PBRM1: variants seen among roughly 807,000 people sequenced by gnomAD.
PBRM1 encodes the protein polybromo 1.
PBRM1 carries 27 observed loss-of-function variants against 194.5 expected under a neutral mutation model. That is an observed-to-expected ratio of 0.14 (90% CI 0.10 to 0.19). The LOEUF (loss-of-function observed/expected upper bound fraction) is 0.19, where lower values mean the gene tolerates loss of function less well. Among genes scored for constraint, PBRM1 ranks in the 10% least tolerant of loss-of-function variants. The probability of loss-of-function intolerance (pLI) is 1.00; values close to 1 mark genes in which losing one functional copy is unlikely to be tolerated. For missense variants in PBRM1, 1,466 were observed against 2,077.2 expected, an observed-to-expected ratio of 0.71 and a Z score of 5.72; for synonymous variants, 655 against 693.2, an observed-to-expected ratio of 0.94 and a Z score of 0.87.
At chr3:52,562,831 A>T (rs1276299986) in intron 24 of PBRM1, among the ~76,000 whole-genome samples, 1 of 152,164 alleles carries the variant, frequency 6.6e-6, no homozygotes, top group Non-Finnish European at 1.5e-5. Flanking sequence ...ATAAGCAACC[A>T]TGCCTGGCCA....
At chr3:52,622,858 T>G (rs575216871) in intron 13 of PBRM1, among the ~76,000 whole-genome samples, 133 of 152,340 alleles carry the variant, frequency 8.7e-4, no homozygotes, top group Admixed American at 1.7e-3. Context: ...TATTTTTATA[T>G]ATACTAATAT....
At chr3:52,646,722 C>T (rs1416751329) in intron 7 of PBRM1, among the ~76,000 whole-genome samples, 1 of 152,150 alleles carries the variant, frequency 6.6e-6, no homozygotes, top group Non-Finnish European at 1.5e-5. Flanking sequence ...ATTTGGACTC[C>T]TACCTTACAT....
intron 5 of PBRM1, among the ~76,000 whole-genome samples, chr3:52,653,683 G>T (rs571037650): frequency 6.6e-6 from 1 of 151,988 alleles, no homozygotes; most frequent in Non-Finnish European, 1.5e-5. Context: ...AGGCCGAGAC[G>T]GGCAGATCAC....
intron 13 of PBRM1, 84 bp downstream of exon 14, chr3:52,627,189 C>T: frequency 2.8e-6 from 2 of 726,292 alleles, no homozygotes; most frequent in Non-Finnish European, 4.7e-6. Context: ...AACTTGATAG[C>T]TTAAAAAATA....
intron 13 of PBRM1, among the ~76,000 whole-genome samples, chr3:52,626,838 G>A (rs2095463955): frequency 6.6e-6 from 1 of 152,128 alleles, no homozygotes; most frequent in Non-Finnish European, 1.5e-5. Flanking sequence ...TAAAGATGAG[G>A]TGAACAAGGA....
intron 17 of PBRM1, among the ~76,000 whole-genome samples, chr3:52,598,686 C>A (rs886202071): frequency 2.6e-5 from 4 of 152,090 alleles, no homozygotes; most frequent in Admixed American, 2.6e-4. Context: ...GAGTTTGAAA[C>A]CAGCCTGGGC....
At chr3:52,624,220 A>G (rs936537344) in intron 13 of PBRM1, among the ~76,000 whole-genome samples, 9 of 152,170 alleles carry the variant, frequency 5.9e-5, no homozygotes, top group Admixed American at 5.2e-4. Flanking sequence ...TCCTTGGCCT[A>G]TATGTTCCTG....
chr3:52,579,264 C>A, intron 20 of PBRM1, 65 bp from the exon 23 acceptor site: 1 of 1,414,636 alleles, frequency 7.1e-7, no homozygotes, highest in Non-Finnish European at 9.9e-7. Flanking sequence ...AGGTAAGAAA[C>A]GAAAGCAGAC....
At chr3:52,581,462 A>T (rs2091155334) in intron 20 of PBRM1, among the ~76,000 whole-genome samples, 1 of 150,162 alleles carries the variant, frequency 6.7e-6, no homozygotes, top group Non-Finnish European at 1.5e-5. Context: ...GTGAGCCGAG[A>T]TTGTGCCGCT....
upstream of PBRM1, chr3:52,685,862 C>A: frequency 1.9e-6 from 1 of 517,668 alleles, no homozygotes; most frequent in Non-Finnish European, 3.4e-6. Flanking sequence ...GCCGTCGCTT[C>A]GGCACCCGCC....
At chr3:52,577,542 C>T (rs2089999688) in intron 21 of PBRM1, among the ~76,000 whole-genome samples, 1 of 151,638 alleles carries the variant, frequency 6.6e-6, no homozygotes, top group African/African-American at 2.4e-5. Flanking sequence ...ATTATTGCTC[C>T]ATATTATCGT....
chr3:52,587,253 A>T, intron 19 of PBRM1, 100 bp downstream of exon 21: 1 of 923,510 alleles, frequency 1.1e-6, no homozygotes, highest in Non-Finnish European at 1.7e-6. Flanking sequence ...AAATAGCTTA[A>T]AACAGAGTTC....
intron 13 of PBRM1, among the ~76,000 whole-genome samples, chr3:52,621,727 C>T (rs1230386313): frequency 6.6e-6 from 1 of 152,156 alleles, no homozygotes; most frequent in Non-Finnish European, 1.5e-5. Flanking sequence ...AAAATCAGGA[C>T]TGTTCATCAT....
chr3:52,617,564 G>T (rs1431562100), intron 13 of PBRM1, 26 bp from the exon 16 acceptor site: 1 of 1,549,648 alleles, frequency 6.5e-7, no homozygotes, highest in Non-Finnish European at 8.7e-7. Flanking sequence ...TAGAAAAGGG[G>T]AAAAATTAGA....
At chr3:52,591,226 TC>T (rs1167308107) in intron 17 of PBRM1, among the ~76,000 whole-genome samples, 1 of 152,162 alleles carries the variant, frequency 6.6e-6, no homozygotes, top group African/African-American at 2.4e-5. Context: ...ACTTCCCTCT[TC>T]CTATTTGAAT....
intron 25 of PBRM1, among the ~76,000 whole-genome samples, chr3:52,561,480 A>G (rs186959075): frequency 1.5e-3 from 232 of 152,366 alleles, no homozygotes; most frequent in African/African-American, 5.5e-3. Flanking sequence ...GTGTGCTTAC[A>G]GGGCTCAATG....
intron 17 of PBRM1, among the ~76,000 whole-genome samples, chr3:52,601,143 C>T (rs1039990656): frequency 4.6e-5 from 7 of 152,118 alleles, no homozygotes; most frequent in South Asian, 4.1e-4. Context: ...CTGTGGTGTT[C>T]GTTGGGCAGG....
chr3:52,558,514 C>CCTTCCATTGAGACAGAACTGT, intron 25 of PBRM1, 101 bp from the exon 28 acceptor site: 1 of 1,023,880 alleles, frequency 9.8e-7, no homozygotes, highest in Non-Finnish European at 1.4e-6. Context: ...GGCAACAGTT[C>CCTTCCATTGAGACAGAACTGT]TGTCTCAATG....
intron 7 of PBRM1, among the ~76,000 whole-genome samples, chr3:52,645,029 A>C (rs1469652706): frequency 6.6e-6 from 1 of 152,218 alleles, no homozygotes; most frequent in African/African-American, 2.4e-5. Context: ...TGATTAGTCA[A>C]GTAATATTTA....
Sources: allele counts gnomAD v4.1 joint callset (sites outside exome capture counted in the v4.1 genomes callset), GRCh38; gene constraint gnomAD v4.1.1; transcripts MANE v1.5; gene names NCBI Gene and HGNC (gene_info 2026-07-23, HGNC 2026-07-21).